The following MGA variants were observed in gnomAD, a reference collection of about 807,000 sequenced individuals.
MGA encodes the protein MAX dimerization protein MGA.
In MGA, 40 loss-of-function variants were observed where a neutral mutation model predicts 261.1. The ratio of observed to expected loss-of-function variants is 0.15; its 90% CI spans 0.12 to 0.20. MGA has a LOEUF of 0.20. Among genes scored for constraint, MGA ranks in the 10% least tolerant of loss-of-function variants. MGA has a pLI of 1.00. For missense variants in MGA, 3,397 were observed against 3,630.5 expected (o/e 0.94, Z 1.65); for synonymous variants, 1,302 against 1,290.6 (o/e 1.01, Z -0.19).
chr15:41,715,129 GTTTC>G (rs1475685107), intron 9 of MGA, among the ~76,000 whole-genome samples: 1 of 143,654 alleles, frequency 7.0e-6, no homozygotes, highest in Non-Finnish European at 1.5e-5. Flanking sequence ...TCTTTTTATG[GTTTC>G]TGTCTTTTTT....
chr15:41,736,549 A>C lies in MGA; in HGVS notation c.4285A>C (p.Ile1429Leu), dbSNP rs2061787246. The C allele has an allele frequency of 6.2e-7, 1 of 1,614,018 alleles. No homozygotes were observed. Among genetic ancestry groups the C allele is most frequent in the Non-Finnish European group, 8.5e-7 (1 of 1,179,904 alleles). Residue 1429 changes from isoleucine (I) to leucine (L), a missense_variant, in exon 13 of 24, where the codon ATC (isoleucine) becomes CTC (leucine). Ile to Leu is a conservative substitution (Grantham distance 5, BLOSUM62 2). Around this residue, in one of 9 missense-constraint regions of MGA, gnomAD observed 1,410 missense variants for 1,386.4 expected, o/e 1.02. Transcript: ENST00000219905. Reference sequence around the variant, plus strand: ...ATTGTCCCCTGGGAAAATGGAGGATATCTCTCCTGTGCAGACAGATGCCCT... The same window carrying C: ...ATTGTCCCCTGGGAAAATGGAGGATCTCTCTCCTGTGCAGACAGATGCCCT...
At chr15:41,704,250 G>A (rs960113874) in intron 5 of MGA, among the ~76,000 whole-genome samples, 8 of 151,386 alleles carry the variant, frequency 5.3e-5, no homozygotes, top group African/African-American at 1.9e-4. Flanking sequence ...TCCCAGTTTT[G>A]CCTAGGCTTG....
intron 17 of MGA, among the ~76,000 whole-genome samples, chr15:41,754,177 C>T (rs1270245316): frequency 1.3e-5 from 2 of 152,116 alleles, no homozygotes; most frequent in African/African-American, 2.4e-5. Flanking sequence ...GCCTGGGCCT[C>T]CCAAAGTGCT....
At chr15:41,732,335 AC>A in intron 11 of MGA, among the ~76,000 whole-genome samples, 1 of 151,972 alleles carries the variant, frequency 6.6e-6, no homozygotes, top group Non-Finnish European at 1.5e-5. Flanking sequence ...TTTTTAGTAG[AC>A]ACGGGGTTTC....
At chr15:41,628,073 A>T (rs1451513165) in intron 1 of MGA, among the ~76,000 whole-genome samples, 1 of 152,262 alleles carries the variant, frequency 6.6e-6, no homozygotes, top group East Asian at 1.9e-4. Flanking sequence ...CAATGAGCTA[A>T]TAAAGATGAT....
chr15:41,676,264 C>T (rs2058370527), intron 2 of MGA, among the ~76,000 whole-genome samples: 1 of 152,042 alleles, frequency 6.6e-6, no homozygotes, highest in Non-Finnish European at 1.5e-5. Context: ...CTCACTGCAA[C>T]CTCCATGTCC....
rs946340051 is a variant in MGA at position 41,624,072 on chromosome 15, AT to A, written c.-68+2788del. Among the ~76,000 whole-genome samples, 198 of 132,600 alleles carry A rather than the reference AT, an allele frequency of 1.5e-3. 1 individual carries two copies. Among genetic ancestry groups the A allele is most frequent in the African/African-American group, 2.9e-3 (104 of 35,702 alleles). 87.0% of individuals were successfully genotyped at this position (132,600 alleles called of 152,430 possible). The stretch of plus-strand genomic sequence containing the variant: ...TGAGCCACCGAGCCCAGCAAATTAA[AT>A]TTTTTTTTTTTTTGAGGGTCTCACT... On this transcript the variant is annotated intron_variant, in intron 1 of 8. Transcript: ENST00000566718.
At chr15:41,763,092 CTTTTTTTTTTTT>C (rs71108131) in intron 22 of MGA, among the ~76,000 whole-genome samples, 4 of 63,952 alleles carry the variant, frequency 6.3e-5, no homozygotes, top group Non-Finnish European at 8.7e-5. Flanking sequence ...TTCTTTCTTC[CTTTTTTTTTTTT>C]TTTTTTTTTT....
intron 1 of MGA, among the ~76,000 whole-genome samples, chr15:41,628,283 G>GAATATCTTGAA (rs1242833729): frequency 4.2e-5 from 6 of 143,674 alleles, no homozygotes; most frequent in African/African-American, 1.3e-4. Context: ...TGAGGCATGA[G>GAATATCTTGAA]AATATCTTGA....
intron 2 of MGA, among the ~76,000 whole-genome samples, chr15:41,683,230 T>A (rs1461666154): frequency 1.3e-5 from 2 of 152,124 alleles, no homozygotes; most frequent in Admixed American, 1.3e-4. Context: ...CTTTATTTTT[T>A]TAAATTGAGA....
chr15:41,736,263 C>G lies in MGA; in HGVS notation c.3999C>G (p.Thr1333=). 1 of 1,613,922 alleles carries G rather than the reference C, an allele frequency of 6.2e-7. No homozygotes were observed. The highest frequency in any genetic ancestry group is 1.3e-5 in the African/African-American group (1 of 75,010). The change falls in exon 13 of 24, where the codon ACC becomes ACG. Residue 1333 remains threonine, a synonymous_variant. Transcript: ENST00000219905. Reference sequence around the variant, plus strand: ...ATCAGAGGTCACCTGGTGGTCCCACCAAACTGATTGAGATCATCTCAGACT... The same window carrying G: ...ATCAGAGGTCACCTGGTGGTCCCACGAAACTGATTGAGATCATCTCAGACT...
intron 2 of MGA, among the ~76,000 whole-genome samples, chr15:41,687,623 A>G (rs1460256459): frequency 2.0e-5 from 3 of 152,164 alleles, no homozygotes; most frequent in Non-Finnish European, 2.9e-5. Context: ...CATTCTACAC[A>G]TTTGGTATGT....
intron 2 of MGA, among the ~76,000 whole-genome samples, chr15:41,688,499 T>G (rs1395241045): frequency 6.6e-6 from 1 of 152,252 alleles, no homozygotes; most frequent in Non-Finnish European, 1.5e-5. Flanking sequence ...GAATTTACAT[T>G]GCGACTCTTT....
chr15:41,722,009 C>T (rs1036523511), intron 9 of MGA, among the ~76,000 whole-genome samples: 8 of 151,684 alleles, frequency 5.3e-5, no homozygotes, highest in African/African-American at 1.9e-4. Context: ...AAATGAATTA[C>T]AACTGTGTGT....
At chr15:41,718,404 G>A (rs2060766363) in intron 9 of MGA, 28 of 1,212,734 alleles carry the variant, frequency 2.3e-5, no homozygotes, top group Admixed American at 1.7e-4. Flanking sequence ...AATTCCATTC[G>A]TCAGGGCAAA....
chr15:41,680,729 A>G (rs1165685842), intron 2 of MGA, among the ~76,000 whole-genome samples: 1 of 152,234 alleles, frequency 6.6e-6, no homozygotes, highest in Non-Finnish European at 1.5e-5. Flanking sequence ...CCCCATGGAA[A>G]CATATAGGGT....
chr15:41,669,618 A>T lies in MGA; in HGVS notation c.724A>T (p.Ile242Phe). 3.7e-6 allele frequency: 6 copies of T among 1,613,994 alleles called. No individual in the cohort carries two copies. The highest frequency in any genetic ancestry group is 1.1e-5 in the South Asian group (1 of 91,088). ...CTTTGCAGTAACAGCTTATCAGAAC[A>T]TTCAGATTACTCAGCTGAAAATAGA... Residue 242 changes from isoleucine to phenylalanine, a missense_variant, in exon 2 of 24, where the codon ATT becomes TTT. By Grantham distance (21) the Ile-to-Phe change is conservative. Coordinates refer to ENST00000219905, the MANE Select transcript of MGA (RefSeq NM_001164273.2).
chr15:41,671,088 C>T (rs771878241), intron 2 of MGA, among the ~76,000 whole-genome samples: 2 of 152,088 alleles, frequency 1.3e-5, no homozygotes, highest in Non-Finnish European at 1.5e-5. Context: ...ATTTTGGTAT[C>T]TGGGGAGGGT....
chr15:41,756,874 A>G (rs975271662), intron 18 of MGA, among the ~76,000 whole-genome samples: 1 of 152,138 alleles, frequency 6.6e-6, no homozygotes, highest in Non-Finnish European at 1.5e-5. Context: ...GATTACAGGC[A>G]TTAGCTACTG....
Sources: allele counts gnomAD v4.1 joint callset (sites outside exome capture counted in the v4.1 genomes callset), GRCh38; gene constraint gnomAD v4.1.1; regional missense constraint gnomAD v4.1.1; transcripts MANE v1.5; gene names NCBI Gene and HGNC (gene_info 2026-07-23, HGNC 2026-07-21).